The following LARP4B variants were observed in gnomAD, a reference collection of about 807,000 sequenced individuals.
LARP4B encodes the protein la-related protein 4B.
LARP4B carries 12 observed loss-of-function variants against 89.8 expected under a neutral mutation model. That is an observed-to-expected ratio of 0.13 (90% CI 0.09 to 0.22). The LOEUF is 0.22. LARP4B is among the 10% of genes least tolerant of loss of function. The pLI is 1.00. For missense variants in LARP4B, 757 were observed against 947.7 expected, an observed-to-expected ratio of 0.80 and a Z score of 2.64; for synonymous variants, 367 against 363.3, an observed-to-expected ratio of 1.01 and a Z score of -0.12.
At chr10:886,396 T>C (rs1383772879) in intron 1 of LARP4B, among the ~76,000 whole-genome samples, 1 of 152,212 alleles carries the variant, frequency 6.6e-6, no homozygotes, top group East Asian at 1.9e-4. Context: ...GAAAACAGTA[T>C]GGAAGTTGCT....
intron 5 of LARP4B, among the ~76,000 whole-genome samples, chr10:851,687 T>A (rs979187456): frequency 2.6e-5 from 4 of 152,160 alleles, no homozygotes; most frequent in African/African-American, 9.7e-5. Context: ...TTTGTAACTA[T>A]ATAAACCAAA....
the LARP4B span, among the ~76,000 whole-genome samples, chr10:943,412 G>T: frequency 6.6e-6 from 1 of 151,964 alleles, no homozygotes. Context: ...ATGACCTGGG[G>T]CCAGGGTTTT....
At chr10:969,675 G>A in the LARP4B span, among the ~76,000 whole-genome samples, 1 of 152,130 alleles carries the variant, frequency 6.6e-6, no homozygotes, top group East Asian at 1.9e-4. Flanking sequence ...GCTGCAGTGA[G>A]CCAAGATTGC....
At position 854,766 on chromosome 10, in the gene LARP4B, C is replaced by T. The variant is rs74863652; in HGVS notation, c.430+8977G>A. Among the ~76,000 whole-genome samples the T allele has an allele frequency of 1.4e-3, 210 of 152,276 alleles. 1 individual carries two copies. The highest frequency in any genetic ancestry group is 4.9e-3 in the African/African-American group (202 of 41,554). On this transcript the variant is annotated intron_variant, in intron 5 of 17. Coordinates refer to ENST00000316157, the MANE Select transcript of LARP4B (RefSeq NM_015155.3). ...GAAATGAGCACTGGCTTCAAGTTAA[C>T]GTCACCAGCTCCATTAGCCCCAACA...
At chr10:972,928 G>A in the LARP4B span, 6 of 452,824 alleles carry the variant, frequency 1.3e-5, no homozygotes, top group South Asian at 3.1e-5. Flanking sequence ...TTCTGGAGAC[G>A]CATCAGCTAA....
In LARP4B at chr10:889,082, C is replaced by T. The variant is rs57074615; in HGVS notation, c.-39-3322G>A. On this transcript the variant is annotated intron_variant, in intron 1 of 17. Coordinates refer to ENST00000316157, the MANE Select transcript of LARP4B (RefSeq NM_015155.3). The stretch of plus-strand genomic sequence containing the variant: ...CCTAGGGAACAGAATAAGATCCTGT[C>T]TCAAAAAATAAAAACAAAAATAAAA... Among the ~76,000 whole-genome samples, 469 of 152,102 alleles carry T rather than the reference C, an allele frequency of 3.1e-3. 5 individuals carry two copies. The highest frequency in any genetic ancestry group is 0.011 in the African/African-American group (454 of 41,502).
chr10:979,660 C>A, the LARP4B span, among the ~76,000 whole-genome samples: 1 of 152,144 alleles, frequency 6.6e-6, no homozygotes, highest in Non-Finnish European at 1.5e-5. Context: ...TTCTTTTAAC[C>A]CAGCTAACAC....
intron 8 of LARP4B, among the ~76,000 whole-genome samples, chr10:831,833 T>G (rs1832920360): frequency 6.6e-6 from 1 of 152,124 alleles, no homozygotes; most frequent in East Asian, 1.9e-4. Flanking sequence ...TAAAGTAAAA[T>G]TTAAAACTCC....
chr10:939,479 T>C, the LARP4B span, among the ~76,000 whole-genome samples: 1 of 152,242 alleles, frequency 6.6e-6, no homozygotes, highest in Non-Finnish European at 1.5e-5. Flanking sequence ...CTTCCTGAAG[T>C]TGGATGTGTG....
intron 2 of LARP4B, among the ~76,000 whole-genome samples, chr10:885,093 A>G (rs1835812218): frequency 6.6e-6 from 1 of 152,190 alleles, no homozygotes; most frequent in Admixed American, 6.5e-5. Context: ...GGCCATGGAA[A>G]CTAGAAAGAA....
At chr10:975,428 G>C in the LARP4B span, among the ~76,000 whole-genome samples, 2 of 152,230 alleles carry the variant, frequency 1.3e-5, no homozygotes, top group Admixed American at 1.3e-4. Flanking sequence ...TAAACACCCT[G>C]AGGTGTACTC....
At chr10:960,216 G>C in the LARP4B span, among the ~76,000 whole-genome samples, 9 of 152,282 alleles carry the variant, frequency 5.9e-5, no homozygotes, top group South Asian at 1.9e-3. Context: ...AATAAGATGA[G>C]TGATTGCCAG....
intron 15 of LARP4B, 115 bp from the exon 16 acceptor site, chr10:815,185 G>A (rs530440686): frequency 7.9e-7 from 1 of 1,266,842 alleles, no homozygotes; most frequent in Non-Finnish European, 1.1e-6. Context: ...AAGGACATAG[G>A]GGAAGAGGGT....
chr10:922,000 A>G lies in LARP4B; in HGVS notation c.-40+9428T>C, dbSNP rs190183514. Among the ~76,000 whole-genome samples the G allele has an allele frequency of 2.4e-4, 36 of 152,248 alleles. 1 individual carries two copies. In the East Asian group the frequency reaches 6.6e-3, roughly 28 times the overall value. On this transcript the variant is annotated intron_variant, in intron 1 of 17. Transcript: ENST00000316157. ...TTCACAATGGTCAGTACTCCAAGTCAGCGGTAACCAATCTTTTTTGGCACC... is the reference window on the plus strand; with the variant it reads ...TTCACAATGGTCAGTACTCCAAGTCGGCGGTAACCAATCTTTTTTGGCACC...
intron 1 of LARP4B, among the ~76,000 whole-genome samples, chr10:920,998 G>A (rs1836962257): frequency 6.6e-6 from 1 of 151,610 alleles, no homozygotes; most frequent in Non-Finnish European, 1.5e-5. Context: ...TAAGGGTCAG[G>A]CATGGTGGCT....
chr10:880,607 A>T (rs1443580779), intron 3 of LARP4B, among the ~76,000 whole-genome samples: 2 of 151,880 alleles, frequency 1.3e-5, no homozygotes, highest in Non-Finnish European at 2.9e-5. Context: ...AATAGCTTGA[A>T]CCCGGGAGGC....
At chr10:837,019 C>G (rs548262169) in intron 7 of LARP4B, among the ~76,000 whole-genome samples, 25 of 152,294 alleles carry the variant, frequency 1.6e-4, no homozygotes, top group Non-Finnish European at 2.4e-4. Flanking sequence ...AAGTAATGAT[C>G]ACAATTAGGG....
At chr10:955,627 G>A in the LARP4B span, among the ~76,000 whole-genome samples, 1 of 152,120 alleles carries the variant, frequency 6.6e-6, no homozygotes, top group Non-Finnish European at 1.5e-5. The surrounding 1 kb of genome is among the most constrained non-coding windows in gnomAD (Gnocchi z 5.2). Flanking sequence ...GCCCAGGACG[G>A]GGAGTTTACG....
chr10:812,382 T>C lies in LARP4B; in HGVS notation c.*544A>G, dbSNP rs1406563586. 6.6e-6 allele frequency: 1 copy of C among 152,388 alleles called. No homozygotes were observed. Among genetic ancestry groups the C allele is most frequent in the Non-Finnish European group, 1.5e-5 (1 of 68,058 alleles). The allele number at this position is 152,388 out of a possible 1,614,324, so 9.4% of individuals were successfully genotyped here. ...TACATTCTTAAATGCCACAGTCCCC[T>C]ACCAACGGCTTAGGTGGAAGCACAG... On this transcript the variant is annotated 3_prime_UTR_variant, in exon 18 of 18. Coordinates refer to ENST00000316157, the MANE Select transcript of LARP4B (RefSeq NM_015155.3).
Sources: allele counts gnomAD v4.1 joint callset (sites outside exome capture counted in the v4.1 genomes callset), GRCh38; gene constraint gnomAD v4.1.1; non-coding constraint Gnocchi (gnomAD v3.1); transcripts MANE v1.5; gene names NCBI Gene and HGNC (gene_info 2026-07-23, HGNC 2026-07-21).